HACD4: variants seen among roughly 807,000 people sequenced by gnomAD.
The protein encoded by HACD4 is 3-hydroxyacyl-CoA dehydratase 4, also known as very-long-chain (3R)-3-hydroxyacyl-CoA dehydratase 4.
In HACD4, 35 loss-of-function variants were observed where a neutral mutation model predicts 33.3. That is an observed-to-expected ratio of 1.05 (90% CI 0.80 to 1.39). HACD4 has a LOEUF of 1.39. Ranked by LOEUF, HACD4 falls within the 40% of genes most tolerant of loss-of-function variation. HACD4 has a pLI of 0.00. For missense variants in HACD4, 323 were observed against 276.5 expected (o/e 1.17, Z -1.19); for synonymous variants, 118 against 98.0 (o/e 1.20, Z -1.21).
rs1353610612 is a variant in HACD4, at chr9:21,019,724, C to T, written c.271-3714G>A. 2.0e-5 allele frequency among the ~76,000 whole-genome samples: 3 copies of T among 152,172 alleles called. No individual in the cohort carries two copies. The East Asian group carries it at 5.8e-4, about 29-fold the overall frequency. ...AATCTTACCTACAGAGTGAATTGGA[C>T]ATGTAATTCACCCTCAGGAGGCTTC... On this transcript the variant is annotated intron_variant, in intron 3 of 6. Coordinates refer to ENST00000495827, the MANE Select transcript of HACD4 (RefSeq NM_001010915.5).
In HACD4 at chr9:21,006,020, G is replaced by C. The variant is rs1239316926; in HGVS notation, c.*1017C>G. The C allele has an allele frequency of 6.6e-6, 1 of 152,166 alleles. No homozygotes were observed. Among genetic ancestry groups the C allele is most frequent in the Non-Finnish European group, 1.5e-5 (1 of 68,014 alleles). The allele number at this position is 152,166 out of a possible 1,614,324, so 9.4% of individuals were successfully genotyped here. On this transcript the variant is annotated 3_prime_UTR_variant, in exon 7 of 7. Coordinates refer to ENST00000495827, the MANE Select transcript of HACD4 (RefSeq NM_001010915.5). The surrounding 1 kb of genome is among the most constrained non-coding windows in gnomAD (Gnocchi z 4.6). The stretch of plus-strand genomic sequence containing the variant: ...TTGAATCTCACCCACATCTGATTTA[G>C]ACGAGACTTTGGACTTTAGAGTTGA...
chr9:21,010,331 G>C (rs867237313), intron 5 of HACD4, among the ~76,000 whole-genome samples: 5 of 151,904 alleles, frequency 3.3e-5, no homozygotes, highest in Admixed American at 2.0e-4. Flanking sequence ...TTAAGTTTTA[G>C]GTTTATATTT....
intron 3 of HACD4, among the ~76,000 whole-genome samples, chr9:21,024,635 T>G (rs1381781389): frequency 6.6e-6 from 1 of 152,228 alleles, no homozygotes; most frequent in Non-Finnish European, 1.5e-5. Flanking sequence ...AGCACATATG[T>G]GCACATTTTC....
chr9:21,019,045 G>T (rs1817832302), intron 3 of HACD4, among the ~76,000 whole-genome samples: 1 of 152,008 alleles, frequency 6.6e-6, no homozygotes, highest in Non-Finnish European at 1.5e-5. Context: ...ACTTTTCTGA[G>T]AACTTCAGAA....
chr9:21,028,538 C>T (rs753926183), intron 2 of HACD4, among the ~76,000 whole-genome samples: 3 of 152,190 alleles, frequency 2.0e-5, no homozygotes, highest in Non-Finnish European at 1.5e-5. Context: ...ATGATACACA[C>T]GTCTGAAATG....
chr9:21,029,791 A>G (rs959024313), intron 1 of HACD4, among the ~76,000 whole-genome samples: 4 of 152,204 alleles, frequency 2.6e-5, no homozygotes, highest in Non-Finnish European at 5.9e-5. Context: ...TCATCTGGCA[A>G]CACAGTGCAC....
rs1017757098 is a variant in HACD4 at position 21,022,454 on chromosome 9, A to T, written c.270+4142T>A. Among the ~76,000 whole-genome samples the T allele has an allele frequency of 3.9e-5, 6 of 152,212 alleles. No homozygotes were observed. The East Asian group carries it at 1.2e-3, about 29-fold the overall frequency. ...GTGAACAGGCAACCTACAGAATGGG[A>T]GAAAATTTTTACAATCTACCCATCT... is the stretch of plus-strand genomic sequence containing the variant. On this transcript the variant is annotated intron_variant, in intron 3 of 6. Coordinates refer to ENST00000495827, the MANE Select transcript of HACD4 (RefSeq NM_001010915.5).
intron 1 of HACD4, among the ~76,000 whole-genome samples, chr9:21,031,120 AGGCCCTAC>A (rs1818203365): frequency 6.6e-6 from 1 of 152,146 alleles, no homozygotes; most frequent in Non-Finnish European, 1.5e-5. Flanking sequence ...ATACACCCCC[AGGCCCTAC>A]CGCTATATGA....
chr9:21,021,281 T>C (rs7018476), intron 3 of HACD4, among the ~76,000 whole-genome samples: 92,121 of 152,004 alleles, frequency 0.61, 28,578 homozygotes, highest in South Asian at 0.69. Flanking sequence ...CATACTGAAT[T>C]GGCAAAAACT....
In HACD4 at chr9:21,003,823, CTTACA is replaced by C. The variant is rs2132760906; in HGVS notation, c.*3209_*3213del. 6.6e-6 allele frequency: 1 copy of C among 152,188 alleles called. No individual in the cohort carries two copies. Among genetic ancestry groups the C allele is most frequent in the African/African-American group, 2.4e-5 (1 of 41,544 alleles). 9.4% of individuals were successfully genotyped at this position (152,188 alleles called of 1,614,324 possible). A position where few individuals can be genotyped will look rare whatever the true frequency, so the allele number is the denominator to read the frequency against. On this transcript the variant is annotated 3_prime_UTR_variant, in exon 7 of 7. Transcript: ENST00000495827. ...TTCAAAACTATGTAAGGACATATGA[CTTACA>C]TTACAGTAATTAGCAACAATTCAGT... is the stretch of plus-strand genomic sequence containing the variant.
Position 21,031,606 on chromosome 9 carries a change from G to T in HACD4, c.-16C>A. ...AGGGCCCCATGGGCCGCCGCCGCCA[G>T]GGCTTCCAGCGCGGTCCAGGAAGGA... On this transcript the variant is annotated 5_prime_UTR_variant, in exon 1 of 7. It adds an upstream start codon to the 5' untranslated region. Transcript: ENST00000495827. 1 of 1,421,346 alleles carries T rather than the reference G, an allele frequency of 7.0e-7. No individual in the cohort carries two copies. The highest frequency in any genetic ancestry group is 9.1e-7 in the Non-Finnish European group (1 of 1,093,890). 88.0% of individuals were successfully genotyped at this position (1,421,346 alleles called of 1,614,324 possible).
chr9:21,022,590 T>C (rs1419710515), intron 3 of HACD4, among the ~76,000 whole-genome samples: 2 of 151,740 alleles, frequency 1.3e-5, no homozygotes, highest in African/African-American at 2.4e-5. Flanking sequence ...AAAGAACACA[T>C]TTATGCAGCC....
Position 21,015,973 on chromosome 9 carries a change from G to A in HACD4, c.308C>T (p.Thr103Ile), listed in dbSNP as rs775699767. 6.8e-6 allele frequency: 11 copies of A among 1,612,810 alleles called. No homozygotes were observed. Among genetic ancestry groups the A allele is most frequent in the Non-Finnish European group, 9.3e-6 (11 of 1,179,272 alleles). Residue 103 changes from threonine to isoleucine, a missense_variant, in exon 4 of 7, where the codon ACC (threonine) becomes ATC (isoleucine). Coordinates refer to ENST00000495827, the MANE Select transcript of HACD4 (RefSeq NM_001010915.5). ...ERIIILFVVI[T>I]SQEEVQEKYV... Reference sequence around the variant, plus strand: ...TTTCTCTTGGACTTCCTCTTGACTGGTGATCACCACAAAAAGGATGATTAT... The same window carrying A: ...TTTCTCTTGGACTTCCTCTTGACTGATGATCACCACAAAAAGGATGATTAT...
chr9:21,025,509 T>G lies in HACD4; in HGVS notation c.270+1087A>C, dbSNP rs577117500. ...TGTCAAAATTATCAATTTTTCAAAT[T>G]TATTTTGAGGATACCTAAAATTATA... On this transcript the variant is annotated intron_variant, in intron 3 of 6. Transcript: ENST00000495827. 2.0e-5 allele frequency among the ~76,000 whole-genome samples: 3 copies of G among 152,316 alleles called. No homozygotes were observed. In the East Asian group the frequency reaches 5.8e-4, roughly 29 times the overall value.
chr9:21,029,398 C>G lies in HACD4; in HGVS notation c.39G>C (p.Arg13Ser), dbSNP rs1029612422. The change falls in exon 2 of 7, where the codon AGG becomes AGC. Residue 13 changes from arginine (R) to serine (S), a missense_variant and splice_region_variant. Arg to Ser is a moderately radical substitution (Grantham distance 110). Transcript: ENST00000495827. Reference protein sequence around the residue: ...PLALPAWLQPRYRKNAYLFIY... With the variant: ...PLALPAWLQPSYRKNAYLFIY... Reference sequence around the variant, plus strand: ...TGAAAAGATACGCATTCTTCCTATACCTATAAATACAGGAAAATACCATTA... The same window carrying G: ...TGAAAAGATACGCATTCTTCCTATAGCTATAAATACAGGAAAATACCATTA... 2 of 1,523,128 alleles carry G rather than the reference C, an allele frequency of 1.3e-6. No individual in the cohort carries two copies. The highest frequency in any genetic ancestry group is 2.8e-5 in the African/African-American group (2 of 72,538). 94.4% of individuals were successfully genotyped at this position (1,523,128 alleles called of 1,614,324 possible).
chr9:21,006,972 G>A lies in HACD4; in HGVS notation c.*65C>T. The A allele has an allele frequency of 2.2e-6, 2 of 906,300 alleles. No homozygotes were observed. The highest frequency in any genetic ancestry group is 2.4e-5 in the East Asian group (1 of 41,580). 56.1% of individuals were successfully genotyped at this position (906,300 alleles called of 1,614,324 possible). On this transcript the variant is annotated 3_prime_UTR_variant, in exon 7 of 7. Coordinates refer to ENST00000495827, the MANE Select transcript of HACD4 (RefSeq NM_001010915.5). The surrounding 1 kb of genome is among the most constrained non-coding windows in gnomAD (Gnocchi z 4.6). ...GTATTTTTCCACCAGAATACTTCCT[G>A]TGTTTTATTTACTGCACTGAATCCA... is the stretch of plus-strand genomic sequence containing the variant.
chr9:21,024,936 A>G (rs1028381882), intron 3 of HACD4, among the ~76,000 whole-genome samples: 4 of 152,204 alleles, frequency 2.6e-5, no homozygotes, highest in Admixed American at 2.0e-4. Context: ...CTATTTTCCA[A>G]CATTAACATT....
intron 4 of HACD4, among the ~76,000 whole-genome samples, chr9:21,014,493 A>G (rs1188942538): frequency 2.6e-5 from 4 of 152,206 alleles, no homozygotes; most frequent in African/African-American, 9.7e-5. Flanking sequence ...CTCCATTTAT[A>G]TGAACTTTCC....
chr9:21,017,507 A>C (rs1449276256), intron 3 of HACD4, among the ~76,000 whole-genome samples: 1 of 152,174 alleles, frequency 6.6e-6, no homozygotes, highest in African/African-American at 2.4e-5. Context: ...CCTTGATGTC[A>C]TGACACCTCT....
Sources: gnomAD v4.1 joint callset for allele counts (sites outside exome capture counted in the v4.1 genomes callset) on GRCh38, gnomAD v4.1.1 for gene constraint, Gnocchi (gnomAD v3.1) non-coding constraint, MANE v1.5 for transcripts, NCBI Gene and HGNC (gene_info 2026-07-23, HGNC 2026-07-21) for gene names.